Variants in RYR2 observed in about 807,000 individuals in gnomAD.
RYR2 encodes the protein cardiac muscle ryanodine receptor-calcium release channel.
RYR2 carries 227 observed loss-of-function variants against 601.1 expected under a neutral mutation model. That is an observed-to-expected ratio of 0.38 (90% confidence interval 0.34 to 0.42). The LOEUF (loss-of-function observed/expected upper bound fraction) is 0.42. RYR2 is among the 10% of genes least tolerant of loss of function. RYR2 has a pLI of 1.00. For synonymous variants in RYR2, 2,223 were observed against 2,175.1 expected (o/e 1.02, Z -0.61); for missense variants, 4,646 against 6,156.5 (o/e 0.75, Z 8.21).
At chr1:237,686,910 GATGCTTACGTTACGT>G (rs1332163532) in intron 62 of RYR2, among the ~76,000 whole-genome samples, 1 of 152,168 alleles carries the variant, frequency 6.6e-6, no homozygotes, top group Non-Finnish European at 1.5e-5. Context: ...AAATTCACTG[GATGCTTACGTTACGT>G]AAGGAGTGTG....
chr1:237,525,706 G>A (rs751887395), intron 24 of RYR2, among the ~76,000 whole-genome samples: 1 of 152,012 alleles, frequency 6.6e-6, no homozygotes, highest in Admixed American at 6.6e-5. Flanking sequence ...TTGGACAGAT[G>A]CGGTGGCTCA....
intron 6 of RYR2, among the ~76,000 whole-genome samples, chr1:237,371,015 C>T (rs745969793): frequency 5.3e-5 from 8 of 151,446 alleles, no homozygotes; most frequent in Non-Finnish European, 1.0e-4. Flanking sequence ...ATATTCTATA[C>T]GATTTGGAAG....
At chr1:237,226,473 C>G (rs1684379089) in intron 1 of RYR2, among the ~76,000 whole-genome samples, 1 of 152,128 alleles carries the variant, frequency 6.6e-6, no homozygotes, top group African/African-American at 2.4e-5. Context: ...AGTAGCAAGT[C>G]TGTTTATTCA....
Position 237,610,654 on chromosome 1 carries a change from G to C in RYR2, c.4684-108G>C. ...TGTGTTGACTTTGCTTGACTCATAG[G>C]GTTATCTTACTTTCCCTGTCTCTGT... is the stretch of plus-strand genomic sequence containing the variant. On this transcript the variant is annotated intron_variant, in intron 35 of 104. Coordinates refer to ENST00000366574, the MANE Select transcript of RYR2 (RefSeq NM_001035.3). This position sits in a 1 kb window ranked among gnomAD's most constrained non-coding sequence, Gnocchi z 4.9. 2 of 896,904 alleles carry C rather than the reference G, an allele frequency of 2.2e-6. No individual in the cohort carries two copies. Among genetic ancestry groups the C allele is most frequent in the Non-Finnish European group, 3.4e-6 (2 of 591,056 alleles). The allele number at this position is 896,904 out of a possible 1,614,324, so 55.6% of individuals were successfully genotyped here.
intron 16 of RYR2, among the ~76,000 whole-genome samples, chr1:237,461,355 G>A (rs1270747485): frequency 6.6e-6 from 1 of 152,018 alleles, no homozygotes; most frequent in Admixed American, 6.6e-5. Flanking sequence ...AGACCTCAGG[G>A]AGCTCTCACA....
chr1:237,580,178 G>A (rs1162927351), intron 29 of RYR2, among the ~76,000 whole-genome samples: 5 of 75,326 alleles, frequency 6.6e-5, no homozygotes, highest in South Asian at 8.5e-4. Context: ...TTTTTGAGAC[G>A]GAGTTTTGCT....
At chr1:237,387,407 C>A in intron 9 of RYR2, 27 bp downstream of exon 9, 1 of 1,590,506 alleles carries the variant, frequency 6.3e-7, no homozygotes, top group East Asian at 2.2e-5. Context: ...AATTAGAGGG[C>A]CTGTCCTTGC....
intron 80 of RYR2, among the ~76,000 whole-genome samples, chr1:237,744,011 T>A (rs1691845722): frequency 6.6e-6 from 1 of 152,166 alleles, no homozygotes; most frequent in Non-Finnish European, 1.5e-5. Context: ...ACAGACATGA[T>A]AAATGGTATT....
At chr1:237,551,884 A>C (rs1670443431) in intron 27 of RYR2, among the ~76,000 whole-genome samples, 1 of 152,158 alleles carries the variant, frequency 6.6e-6, no homozygotes, top group South Asian at 2.1e-4. Flanking sequence ...CATTTTACAG[A>C]TAAGGAAACT....
At chr1:237,630,374 A>T (rs1326135890) in intron 41 of RYR2, among the ~76,000 whole-genome samples, 2 of 152,176 alleles carry the variant, frequency 1.3e-5, no homozygotes, top group Non-Finnish European at 2.9e-5. Flanking sequence ...TTCTGGCATG[A>T]AATAAGTCAG....
At position 237,143,119 on chromosome 1, in the gene RYR2, C is replaced by A. The variant is rs187476552; in HGVS notation, c.48+100550C>A. On this transcript the variant is annotated intron_variant, in intron 1 of 104. Coordinates refer to ENST00000366574, the MANE Select transcript of RYR2 (RefSeq NM_001035.3). Reference sequence around the variant, plus strand: ...AGAAATTCATAAATTTGCCAGGGCACAAAAGTACCTGCATTTCCCTATTGT... The same window carrying A: ...AGAAATTCATAAATTTGCCAGGGCAAAAAAGTACCTGCATTTCCCTATTGT... Among the ~76,000 whole-genome samples the A allele has an allele frequency of 1.8e-4, 27 of 152,310 alleles. 1 individual carries two copies.
rs1396964181 is a variant in RYR2, at chr1:237,784,675, T to C, written c.12963T>C (p.Gly4321=). The change falls in exon 90 of 105, where the codon GGT becomes GGC. Residue 4321 remains glycine (G), a synonymous_variant. Coordinates refer to ENST00000366574, the MANE Select transcript of RYR2 (RefSeq NM_001035.3). The surrounding 1 kb of genome is among the most constrained non-coding windows in gnomAD (Gnocchi z 7.1). The part of the protein sequence containing the change: ...SLLLGGSLVE[G]AKKIKVAELL... ...TGCTTGGGGGAAGCCTCGTCGAAGGTGCTAAAAAGATCAAAGTTGCAGAAC... is the reference window on the plus strand; with the variant it reads ...TGCTTGGGGGAAGCCTCGTCGAAGGCGCTAAAAAGATCAAAGTTGCAGAAC... The C allele has an allele frequency of 3.1e-6, 5 of 1,611,660 alleles. No individual in the cohort carries two copies. The African/African-American group carries it at 4.0e-5, about 13-fold the overall frequency.
rs369809296 is a variant in RYR2, at chr1:237,233,401, A to G, written c.49-37096A>G. Among the ~76,000 whole-genome samples, 23 of 152,200 alleles carry G rather than the reference A, an allele frequency of 1.5e-4. No individual in the cohort carries two copies. In the South Asian group the frequency reaches 4.6e-3, roughly 30 times the overall value. ...CATCAGTTGAACAAAACTTTGTGTT[A>G]TTTTGGGGAGAGGAGACATTTATGA... On this transcript the variant is annotated intron_variant, in intron 1 of 104. Transcript: ENST00000366574.
intron 1 of RYR2, among the ~76,000 whole-genome samples, chr1:237,120,285 A>G (rs1430860828): frequency 6.6e-6 from 1 of 152,232 alleles, no homozygotes; most frequent in African/African-American, 2.4e-5. Flanking sequence ...ATTATTAAGC[A>G]TCCCATCAAA....
chr1:237,170,929 C>T (rs1219484614), intron 1 of RYR2, among the ~76,000 whole-genome samples: 1 of 151,986 alleles, frequency 6.6e-6, no homozygotes, highest in East Asian at 1.9e-4. Context: ...AGTTCTAGTT[C>T]CTGGAGGTTC....
chr1:237,723,135 A>G lies in RYR2; in HGVS notation c.10562A>G (p.Asp3521Gly). The change falls in exon 74 of 105, where the codon GAT (aspartate) becomes GGT (glycine). Residue 3521 changes from aspartate to glycine, a missense_variant. Physicochemically the swap from Asp to Gly is moderately conservative, Grantham distance 94. Coordinates refer to ENST00000366574, the MANE Select transcript of RYR2 (RefSeq NM_001035.3). ...SNIHLQGKLEDPAIRWQMALY... is the reference protein window; with the variant it reads ...SNIHLQGKLEGPAIRWQMALY... ...TTTTCCTTTTTTCTGCAGTTGGAGG[A>G]TCCTGCTATTAGATGGCAAATGGCT... The G allele has an allele frequency of 6.2e-7, 1 of 1,606,652 alleles. No individual in the cohort carries two copies. The highest frequency in any genetic ancestry group is 2.2e-5 in the East Asian group (1 of 44,798).
intron 63 of RYR2, among the ~76,000 whole-genome samples, chr1:237,695,579 C>G (rs997409330): frequency 1.3e-5 from 2 of 152,142 alleles, no homozygotes; most frequent in Non-Finnish European, 2.9e-5. Context: ...CAAAACTCTG[C>G]TGGCCCTTCC....
rs577674694 is a variant in RYR2 at position 237,557,378 on chromosome 1, C to A, written c.3214+6687C>A. ...ATTTGTGGACATATTTTAAAACCAC[C>A]AAAGTAGGTACAGCTAAGTCAATCG... On this transcript the variant is annotated intron_variant, in intron 27 of 104. Transcript: ENST00000366574. Among the ~76,000 whole-genome samples the A allele has an allele frequency of 2.9e-4, 44 of 152,206 alleles. 1 individual carries two copies. Among genetic ancestry groups the A allele is most frequent in the Admixed American group, 1.3e-3 (20 of 15,286 alleles).
chr1:237,593,367 A>G (rs1675448400), intron 32 of RYR2, 109 bp from the exon 33 acceptor site: 2 of 1,091,204 alleles, frequency 1.8e-6, no homozygotes, highest in Non-Finnish European at 2.5e-6. Flanking sequence ...TTAAACCAAG[A>G]AGTGAATTCT....
Sources: gnomAD v4.1 joint callset for allele counts (sites outside exome capture counted in the v4.1 genomes callset) on GRCh38, gnomAD v4.1.1 for gene constraint, Gnocchi (gnomAD v3.1) non-coding constraint, MANE v1.5 for transcripts, NCBI Gene and HGNC (gene_info 2026-07-23, HGNC 2026-07-21) for gene names.